FAM83B: variants seen among roughly 807,000 people sequenced by gnomAD.
The protein encoded by FAM83B is scaffolding CK1 anchoring protein B, also known as protein FAM83B.
In FAM83B, 26 loss-of-function variants were observed where a neutral mutation model predicts 38.8. The observed-to-expected ratio is 0.67, with a 90% CI of 0.49 to 0.93. The LOEUF is 0.93. FAM83B is among the 40% of genes least tolerant of loss of function. FAM83B has a pLI of 0.00. For missense variants in FAM83B, 1,237 were observed against 1,197.3 expected (o/e 1.03, Z -0.49); for synonymous variants, 419 against 423.1 (o/e 0.99, Z 0.12).
At chr6:54,917,110 A>G (rs1773061414) in intron 2 of FAM83B, among the ~76,000 whole-genome samples, 3 of 152,184 alleles carry the variant, frequency 2.0e-5, no homozygotes, top group Admixed American at 2.0e-4. Flanking sequence ...ATTTTATGGC[A>G]GATGTCACAA....
chr6:54,887,224 A>G (rs972256957), intron 2 of FAM83B, among the ~76,000 whole-genome samples: 3 of 152,222 alleles, frequency 2.0e-5, no homozygotes, highest in Non-Finnish European at 4.4e-5. Flanking sequence ...TTATTCAACA[A>G]ATACAGTAGG....
chr6:54,873,539 T>TATCTTTCAGAATC (rs1233431413), intron 2 of FAM83B, among the ~76,000 whole-genome samples: 1 of 152,142 alleles, frequency 6.6e-6, no homozygotes, highest in Admixed American at 6.6e-5. Flanking sequence ...AATGGGAGCC[T>TATCTTTCAGAATC]AATAGTCATC....
intron 1 of FAM83B, among the ~76,000 whole-genome samples, chr6:54,857,406 A>G (rs1771469305): frequency 6.6e-6 from 1 of 152,154 alleles, no homozygotes; most frequent in Non-Finnish European, 1.5e-5. Flanking sequence ...AAATTATACT[A>G]CATTTCTGAA....
Position 54,926,527 on chromosome 6 carries a change from C to T in FAM83B, c.601C>T (p.Arg201Cys), listed in dbSNP as rs1484573093. Residue 201 changes from arginine to cysteine, a missense_variant, in exon 3 of 5, where the codon CGT (arginine) becomes TGT (cysteine). Coordinates refer to ENST00000306858, the MANE Select transcript of FAM83B (RefSeq NM_001010872.3). ...TGAGAAACAAGGTTGTTCAGTTCAG[C>T]GTCTCAGGGTAAGAATTCTGTTTTT... ...MTEKQGCSVQRLRNIRVRTVK... is the reference protein window; with the variant it reads ...MTEKQGCSVQCLRNIRVRTVK... The T allele has an allele frequency of 7.0e-6, 11 of 1,561,704 alleles. No homozygotes were observed. The highest frequency in any genetic ancestry group is 1.4e-5 in the African/African-American group (1 of 72,426).
chr6:54,939,046 G>A (rs1773593223), intron 4 of FAM83B, among the ~76,000 whole-genome samples: 1 of 152,092 alleles, frequency 6.6e-6, no homozygotes. Flanking sequence ...CTTAAGGTGA[G>A]AAGTGAGGAT....
intron 2 of FAM83B, among the ~76,000 whole-genome samples, chr6:54,924,188 TACAC>T (rs59997305): frequency 0.33 from 48,785 of 147,666 alleles, 9,107 homozygotes; most frequent in East Asian, 0.77. Context: ...TATTCATTTA[TACAC>T]ACACACACAC....
At position 54,870,319 on chromosome 6, in the gene FAM83B, A is replaced by G. The variant is rs750183894; in HGVS notation, c.73A>G (p.Lys25Glu). 1 of 1,613,880 alleles carries G rather than the reference A, an allele frequency of 6.2e-7. No homozygotes were observed. Among genetic ancestry groups the G allele is most frequent in the Non-Finnish European group, 8.5e-7 (1 of 1,179,910 alleles). ...TGACAACTACATTGAGCCTCACTAC[A>G]AGGAATGGTATCGAGTAGCCATTGA... is the stretch of plus-strand genomic sequence containing the variant. ...KSDNYIEPHY[K>E]EWYRVAIDIL... Residue 25 changes from lysine (K) to glutamate (E), a missense_variant, in exon 2 of 5, where the codon AAG becomes GAG. Coordinates refer to ENST00000306858, the MANE Select transcript of FAM83B (RefSeq NM_001010872.3).
rs961259369 is a variant in FAM83B at position 54,858,528 on chromosome 6, T to C, written c.-60-11659T>C. Among the ~76,000 whole-genome samples the C allele has an allele frequency of 3.3e-5, 5 of 152,160 alleles. No homozygotes were observed. In the East Asian group the frequency reaches 7.7e-4, roughly 23 times the overall value. On this transcript the variant is annotated intron_variant, in intron 1 of 4. Transcript: ENST00000306858. ...TTACTTCAATTTCACCTTATTGATATATGAAATATACATAACCATAATTTA... is the reference window on the plus strand; with the variant it reads ...TTACTTCAATTTCACCTTATTGATACATGAAATATACATAACCATAATTTA...
At chr6:54,937,855 AT>A (rs1230410257) in intron 4 of FAM83B, among the ~76,000 whole-genome samples, 1 of 151,918 alleles carries the variant, frequency 6.6e-6, no homozygotes, top group African/African-American at 2.4e-5. Context: ...TACACAGCAA[AT>A]TTTTCTTTAT....
chr6:54,864,433 C>T (rs1771654673), intron 1 of FAM83B, among the ~76,000 whole-genome samples: 1 of 152,106 alleles, frequency 6.6e-6, no homozygotes, highest in African/African-American at 2.4e-5. Context: ...GAGATGTTTG[C>T]ACCCAACACC....
chr6:54,923,866 CTTTTTTTT>C (rs71547979), intron 2 of FAM83B, among the ~76,000 whole-genome samples: 1 of 142,510 alleles, frequency 7.0e-6, no homozygotes, highest in Non-Finnish European at 1.5e-5. Flanking sequence ...TTTCTTTTTT[CTTTTTTTT>C]TTTTTAACTT....
rs1772976791 is a variant in FAM83B at position 54,913,964 on chromosome 6, ATAAT to A, written c.445-12402_445-12399del. 5.3e-5 allele frequency among the ~76,000 whole-genome samples: 8 copies of A among 152,254 alleles called. No homozygotes were observed. The South Asian group carries it at 1.7e-3, about 32-fold the overall frequency. ...TTATCAAACCTAAAGAATAAAAATA[ATAAT>A]TAATATTATCACATATCCAGTCAGT... On this transcript the variant is annotated intron_variant, in intron 2 of 4. Transcript: ENST00000306858.
At chr6:54,925,136 G>T (rs571909365) in intron 2 of FAM83B, among the ~76,000 whole-genome samples, 1 of 152,216 alleles carries the variant, frequency 6.6e-6, no homozygotes, top group Non-Finnish European at 1.5e-5. Flanking sequence ...TCTTCTTGAA[G>T]ATATCAATGT....
intron 2 of FAM83B, among the ~76,000 whole-genome samples, chr6:54,885,315 T>C (rs150884050): frequency 2.0e-3 from 297 of 152,300 alleles, no homozygotes; most frequent in African/African-American, 6.7e-3. Context: ...TACAATTTTG[T>C]TGTTTTCTGT....
intron 1 of FAM83B, among the ~76,000 whole-genome samples, chr6:54,848,468 G>T (rs1365702641): frequency 6.6e-6 from 1 of 152,168 alleles, no homozygotes; most frequent in Non-Finnish European, 1.5e-5. Flanking sequence ...TGTATAGATG[G>T]AGACAAACCA....
intron 2 of FAM83B, among the ~76,000 whole-genome samples, chr6:54,872,439 TG>T (rs1482663565): frequency 6.6e-6 from 1 of 152,222 alleles, no homozygotes; most frequent in Non-Finnish European, 1.5e-5. Flanking sequence ...TGACATGATA[TG>T]CTTTTGAAGC....
At chr6:54,930,390 G>C (rs549745575) in intron 4 of FAM83B, among the ~76,000 whole-genome samples, 14 of 152,116 alleles carry the variant, frequency 9.2e-5, no homozygotes, top group African/African-American at 3.4e-4. Context: ...TGAACTAGCA[G>C]GTCCTTAAAT....
At chr6:54,922,712 A>G (rs993310872) in intron 2 of FAM83B, among the ~76,000 whole-genome samples, 1 of 152,088 alleles carries the variant, frequency 6.6e-6, no homozygotes, top group Non-Finnish European at 1.5e-5. Context: ...TATCACAGAT[A>G]AAATTCGAGC....
intron 2 of FAM83B, among the ~76,000 whole-genome samples, chr6:54,896,558 C>A (rs7773327): frequency 0.036 from 5,424 of 152,130 alleles, 310 homozygotes; most frequent in African/African-American, 0.12. Flanking sequence ...GTTAGCTTGA[C>A]GTCTAAAAGG....
Sources: gnomAD v4.1 joint callset for allele counts (sites outside exome capture counted in the v4.1 genomes callset) on GRCh38, gnomAD v4.1.1 for gene constraint, MANE v1.5 for transcripts, NCBI Gene and HGNC (gene_info 2026-07-23, HGNC 2026-07-21) for gene names.